The following ZNF624 variants were observed in gnomAD, a reference collection of about 807,000 sequenced individuals.
ZNF624 encodes zinc finger protein 624.
Under a neutral mutation model 74.7 loss-of-function variants are expected in ZNF624, and 43 were observed. The observed-to-expected ratio is 0.58, with a 90% CI of 0.45 to 0.74. The LOEUF (loss-of-function observed/expected upper bound fraction) is 0.74. ZNF624 is among the 30% of genes least tolerant of loss of function. ZNF624 has a pLI of 0.00. For missense variants in ZNF624, 820 were observed against 1,030.0 expected, an observed-to-expected ratio of 0.80 and a Z score of 2.79; for synonymous variants, 331 against 341.3, an observed-to-expected ratio of 0.97 and a Z score of 0.33.
intron 5 of ZNF624, among the ~76,000 whole-genome samples, chr17:16,632,307 T>C (rs1011053242): frequency 6.6e-6 from 1 of 152,216 alleles, no homozygotes; most frequent in South Asian, 2.1e-4. Flanking sequence ...TCAAACACTT[T>C]AGTCCTTCGT....
At chr17:16,648,039 G>C (rs1480087152) in intron 2 of ZNF624, among the ~76,000 whole-genome samples, 1 of 151,984 alleles carries the variant, frequency 6.6e-6, no homozygotes, top group African/African-American at 2.4e-5. Flanking sequence ...AGGTTCAAGT[G>C]ATTCTCCTGT....
At chr17:16,647,480 G>T in intron 2 of ZNF624, 86 bp from the exon 3 acceptor site, 1 of 1,103,698 alleles carries the variant, frequency 9.1e-7, no homozygotes, top group Non-Finnish European at 1.4e-6. Flanking sequence ...AATCCACTGT[G>T]GATGCAGTGT....
At chr17:16,620,472 T>A (rs1329943411), downstream of ZNF624, among the ~76,000 whole-genome samples, 1 of 152,206 alleles carries the variant, frequency 6.6e-6, no homozygotes, top group Non-Finnish European at 1.5e-5. Context: ...AGGCTTGAGG[T>A]CTTCTGGTCT....
chr17:16,624,539 T>G (rs753348245), intron 5 of ZNF624, 30 bp from the exon 6 acceptor site: 1 of 1,530,498 alleles, frequency 6.5e-7, no homozygotes, highest in Non-Finnish European at 8.7e-7. Flanking sequence ...AATCAAGTAA[T>G]TCCTTTCCTA....
intron 2 of ZNF624, among the ~76,000 whole-genome samples, chr17:16,648,101 A>T (rs1909636584): frequency 6.6e-6 from 1 of 151,284 alleles, no homozygotes; most frequent in Non-Finnish European, 1.5e-5. Context: ...ATGTCCGGCT[A>T]ATTTTTTGTA....
Position 16,622,561 on chromosome 17 carries a change from A to G in ZNF624, c.2325T>C (p.Thr775=). Residue 775 remains threonine, a synonymous_variant, in exon 6 of 6, where the codon ACT becomes ACC. Transcript: ENST00000311331. ...CCTTACAGGTGTAGGGTTTTTCTCC[A>G]GTGTGTGTTCTCCAATGCACTGTAA... ...SYLTVHWRTH[T]GEKPYTCKEC... 1 of 1,613,846 alleles carries G rather than the reference A, an allele frequency of 6.2e-7. No homozygotes were observed. The highest frequency in any genetic ancestry group is 1.3e-5 in the African/African-American group (1 of 74,960).
At chr17:16,644,364 A>T (rs1185202428) in intron 3 of ZNF624, among the ~76,000 whole-genome samples, 2 of 152,220 alleles carry the variant, frequency 1.3e-5, no homozygotes, top group East Asian at 3.8e-4. Flanking sequence ...AACTGAAGAA[A>T]CTATTACTAT....
At chr17:16,629,167 C>CAGCCTG (rs2035703613) in intron 5 of ZNF624, among the ~76,000 whole-genome samples, 1 of 141,324 alleles carries the variant, frequency 7.1e-6, no homozygotes, top group Non-Finnish European at 1.5e-5. Context: ...CACTGCACTC[C>CAGCCTG]AGCCTGGGCG....
At chr17:16,628,158 G>A (rs1909118034) in intron 5 of ZNF624, among the ~76,000 whole-genome samples, 1 of 152,128 alleles carries the variant, frequency 6.6e-6, no homozygotes, top group East Asian at 1.9e-4. Flanking sequence ...AGCTACTCAG[G>A]AGGCTGAAGC....
At chr17:16,617,973 G>T, downstream of ZNF624, 4 of 739,956 alleles carry the variant, frequency 5.4e-6, no homozygotes, top group African/African-American at 1.7e-5. Context: ...GCAAGAGCCC[G>T]AACACGCGCC....
chr17:16,650,468 ATTAAGCTATAGTCTTT>A (rs1454630992), intron 1 of ZNF624, among the ~76,000 whole-genome samples: 2 of 151,838 alleles, frequency 1.3e-5, no homozygotes, highest in African/African-American at 4.8e-5. Flanking sequence ...TGCACAAAGC[ATTAAGCTATAGTCTTT>A]TTATATTGAA....
intron 3 of ZNF624, among the ~76,000 whole-genome samples, chr17:16,646,035 T>A (rs937985737): frequency 1.3e-5 from 2 of 151,894 alleles, no homozygotes; most frequent in Admixed American, 1.3e-4. Flanking sequence ...TAATAACTTA[T>A]TGATAGTTAT....
chr17:16,634,829 C>T, intron 3 of ZNF624, 73 bp from the exon 4 acceptor site: 2 of 1,449,286 alleles, frequency 1.4e-6, no homozygotes, highest in Non-Finnish European at 1.9e-6. Flanking sequence ...ACATAAAAAA[C>T]TGGGGAAGAG....
At chr17:16,618,985 C>T (rs1165141597), downstream of ZNF624, among the ~76,000 whole-genome samples, 1 of 152,122 alleles carries the variant, frequency 6.6e-6, no homozygotes, top group African/African-American at 2.4e-5. Flanking sequence ...CCGAATTGTT[C>T]AAAGGTCAAC....
At chr17:16,642,344 A>T (rs1909486680) in intron 3 of ZNF624, among the ~76,000 whole-genome samples, 1 of 152,232 alleles carries the variant, frequency 6.6e-6, no homozygotes, top group African/African-American at 2.4e-5. Flanking sequence ...AATGGAATAG[A>T]ACTGACAGTC....
At position 16,624,231 on chromosome 17, in the gene ZNF624, C is replaced by T; in HGVS notation, c.655G>A (p.Glu219Lys). ...LIPEPGIATE[E>K]LHSRCQTQEE... is the part of the protein sequence containing the mutation. ...TGTGTTTGGCATCTGCTGTGAAGCTCTTCTGTGGCAATGCCTGGTTCTGGA... is the reference window on the plus strand; with the variant it reads ...TGTGTTTGGCATCTGCTGTGAAGCTTTTCTGTGGCAATGCCTGGTTCTGGA... Residue 219 changes from glutamate to lysine, a missense_variant, in exon 6 of 6, where the codon GAG becomes AAG. Transcript: ENST00000311331. 6.2e-7 allele frequency: 1 copy of T among 1,614,176 alleles called. No homozygotes were observed. Among genetic ancestry groups the T allele is most frequent in the Middle Eastern group, 1.6e-4 (1 of 6,062 alleles).
intron 5 of ZNF624, 21 bp from the exon 6 acceptor site, chr17:16,624,530 ATCAAGTAATTCCTT>A: frequency 6.5e-7 from 1 of 1,538,210 alleles, no homozygotes; most frequent in Non-Finnish European, 8.7e-7. Flanking sequence ...AAAGAGAAAA[ATCAAGTAATTCCTT>A]TCCTAAGCTG....
chr17:16,646,660 T>C (rs1909600409), intron 3 of ZNF624, among the ~76,000 whole-genome samples: 1 of 152,230 alleles, frequency 6.6e-6, no homozygotes, highest in South Asian at 2.1e-4. Context: ...ACCATAACTT[T>C]GGGGATTATC....
At chr17:16,640,489 T>TA (rs1362488185) in intron 3 of ZNF624, among the ~76,000 whole-genome samples, 2 of 150,406 alleles carry the variant, frequency 1.3e-5, no homozygotes, top group Non-Finnish European at 3.0e-5. Context: ...TTTGGAAAGA[T>TA]AAAAAAATGG....
Sources: allele counts gnomAD v4.1 joint callset (sites outside exome capture counted in the v4.1 genomes callset), GRCh38; gene constraint gnomAD v4.1.1; transcripts MANE v1.5; gene names NCBI Gene and HGNC (gene_info 2026-07-23, HGNC 2026-07-21).